The following BPIFB4 variants were observed in gnomAD, a reference collection of about 807,000 sequenced individuals.
The protein encoded by BPIFB4 is BPI fold containing family B member 4, also known as BPI fold-containing family B member 4.
In BPIFB4, 62 loss-of-function variants were observed where a neutral mutation model predicts 69.2. That is an observed-to-expected ratio of 0.90 (90% CI 0.73 to 1.11). The LOEUF (loss-of-function observed/expected upper bound fraction) is 1.11, where lower values mean the gene tolerates loss of function less well. BPIFB4 is among the 50% of genes least tolerant of loss of function. BPIFB4 has a pLI of 0.00. For synonymous variants in BPIFB4, 330 were observed against 332.7 expected (o/e 0.99, Z 0.09); for missense variants, 789 against 792.0 (o/e 1.00, Z 0.04).
In BPIFB4 at chr20:33,111,399, G is replaced by A. The variant is rs1164411194; in HGVS notation, c.1822-15G>A. The A allele has an allele frequency of 3.7e-6, 6 of 1,613,990 alleles. No homozygotes were observed. The highest frequency in any genetic ancestry group is 4.2e-6 in the Non-Finnish European group (5 of 1,179,878). ...CACCCCACCCATCACCGGCTACTCT[G>A]TTCTGCCATCCAAGGACCTTTTGGT... is the stretch of plus-strand genomic sequence containing the variant. On this transcript the variant is annotated splice_polypyrimidine_tract_variant and intron_variant, in intron 17 of 17. Transcript: ENST00000375483.
chr20:33,104,346 A>G (rs1981985268), intron 15 of BPIFB4, among the ~76,000 whole-genome samples: 1 of 152,128 alleles, frequency 6.6e-6, no homozygotes, highest in Non-Finnish European at 1.5e-5. Flanking sequence ...CAGCTCACTG[A>G]CCCATTTTAC....
At position 33,107,724 on chromosome 20, in the gene BPIFB4, G is replaced by C. The variant is rs1982109566; in HGVS notation, c.1745-20G>C. 1 of 1,602,978 alleles carries C rather than the reference G, an allele frequency of 6.2e-7. No individual in the cohort carries two copies. Among genetic ancestry groups the C allele is most frequent in the African/African-American group, 1.3e-5 (1 of 74,736 alleles). ...ACCTCTTGGACCACTGACCATGTCT[G>C]ACTGTTTTTTATTTTACAGCTGTGC... On this transcript the variant is annotated intron_variant, in intron 16 of 17. Transcript: ENST00000375483.
At position 33,096,134 on chromosome 20, in the gene BPIFB4, C is replaced by G. The variant is rs74493131; in HGVS notation, c.1398+981C>G. 6.0e-3 allele frequency among the ~76,000 whole-genome samples: 909 copies of G among 152,284 alleles called. 10 individuals carry two copies. Among genetic ancestry groups the G allele is most frequent in the African/African-American group, 0.021 (886 of 41,560 alleles). On this transcript the variant is annotated intron_variant, in intron 12 of 17. Coordinates refer to ENST00000375483, the MANE Select transcript of BPIFB4 (RefSeq NM_182519.3). ...CCTCATGTGGCTGCAAATTGAACATCGGAAGGATCATTCTCTAGGGTGGTA... is the reference window on the plus strand; with the variant it reads ...CCTCATGTGGCTGCAAATTGAACATGGGAAGGATCATTCTCTAGGGTGGTA...
chr20:33,081,586 C>A lies in BPIFB4; in HGVS notation c.60C>A (p.His20Gln), dbSNP rs764452707. The A allele has an allele frequency of 6.4e-7, 1 of 1,551,604 alleles. No individual in the cohort carries two copies. The highest frequency in any genetic ancestry group is 8.7e-7 in the Non-Finnish European group (1 of 1,147,016). ...TGGTGGCTGTGTGTGGCACCAGCCA[C>A]GAGACAAACACGGTCCTCAGGGTGA... is the stretch of plus-strand genomic sequence containing the variant. ...LSVVAVCGTS[H>Q]ETNTVLRVTK... is the part of the protein sequence containing the mutation. Residue 20 changes from histidine (H) to glutamine (Q), a missense_variant, in exon 3 of 18, where the codon CAC becomes CAA. By Grantham distance (24) the His-to-Gln change is conservative. Around this residue, in one of 3 missense-constraint regions of BPIFB4, gnomAD observed 611 missense variants for 575.4 expected, o/e 1.06. Coordinates refer to ENST00000375483, the MANE Select transcript of BPIFB4 (RefSeq NM_182519.3).
intron 13 of BPIFB4, among the ~76,000 whole-genome samples, chr20:33,098,150 G>T (rs985899672): frequency 1.3e-5 from 2 of 152,176 alleles, no homozygotes; most frequent in African/African-American, 2.4e-5. Flanking sequence ...GCCACAGGGG[G>T]ATGGCAGTAG....
At chr20:33,092,797 A>C in intron 11 of BPIFB4, 139 bp downstream of exon 11, 61 of 779,064 alleles carry the variant, frequency 7.8e-5, no homozygotes, top group Non-Finnish European at 1.1e-4. Flanking sequence ...CCTCCAGCTC[A>C]TGGGTGTGCG....
chr20:33,089,780 G>A (rs958581124), intron 9 of BPIFB4, among the ~76,000 whole-genome samples: 1 of 152,146 alleles, frequency 6.6e-6, no homozygotes, highest in African/African-American at 2.4e-5. Context: ...TGGGAGTCAG[G>A]GGTCTGGGAA....
At chr20:33,082,612 A>G (rs1001899238) in intron 3 of BPIFB4, among the ~76,000 whole-genome samples, 2 of 152,204 alleles carry the variant, frequency 1.3e-5, no homozygotes, top group African/African-American at 4.8e-5. Flanking sequence ...GATTACAGGC[A>G]TGAGCCACCA....
intron 12 of BPIFB4, among the ~76,000 whole-genome samples, chr20:33,096,941 T>C (rs1031770894): frequency 6.6e-6 from 1 of 152,246 alleles, no homozygotes; most frequent in Non-Finnish European, 1.5e-5. Flanking sequence ...ATTTGATAAA[T>C]ATGGCAAACT....
At chr20:33,105,722 C>T (rs1455192727) in intron 16 of BPIFB4, among the ~76,000 whole-genome samples, 1 of 152,188 alleles carries the variant, frequency 6.6e-6, no homozygotes, top group East Asian at 1.9e-4. Context: ...TGATGTCAAA[C>T]AAACCCTTGT....
At chr20:33,081,714 C>T (rs1981237274) in intron 3 of BPIFB4, 82 bp downstream of exon 3, 2 of 1,520,578 alleles carry the variant, frequency 1.3e-6, no homozygotes, top group African/African-American at 1.4e-5. Context: ...CAGGAACCTC[C>T]TCCTGCTAGC....
rs1981999623 is a variant in BPIFB4, at chr20:33,104,815, C to G, written c.1686C>G (p.Gly562=). The G allele has an allele frequency of 1.9e-6, 3 of 1,613,958 alleles. No homozygotes were observed. Among genetic ancestry groups the G allele is most frequent in the Non-Finnish European group, 2.5e-6 (3 of 1,179,976 alleles). ...TCCTCCTTCTTCCTCTGCAGATTGG[C>G]CTCATGGAGGTGCTGGTGGAGAAGA... is the stretch of plus-strand genomic sequence containing the variant. ...RTSNVGNFDI[G]LMEVLVEKIF... Residue 562 remains glycine, a synonymous_variant, in exon 16 of 18, where the codon GGC becomes GGG. Transcript: ENST00000375483.
intron 11 of BPIFB4, among the ~76,000 whole-genome samples, chr20:33,093,238 T>C (rs1981660090): frequency 6.6e-6 from 1 of 151,266 alleles, no homozygotes; most frequent in Admixed American, 6.6e-5. Flanking sequence ...CCTCCACCCA[T>C]CAACCCACCT....
Position 33,083,409 on chromosome 20 carries a change from C to T in BPIFB4, c.212C>T (p.Pro71Leu). Residue 71 changes from proline to leucine, a missense_variant, in exon 5 of 18, where the codon CCC (proline) becomes CTC (leucine). By Grantham distance (98) the Pro-to-Leu change is moderately conservative. Coordinates refer to ENST00000375483, the MANE Select transcript of BPIFB4 (RefSeq NM_182519.3). ...IPYNDFHVRG[P>L]PPVYTNGKKL... is the part of the protein sequence containing the mutation. ...TACAATGACTTCCATGTCCGAGGACCCCCCCCAGTATATACCAACGGCAAA... is the reference window on the plus strand; with the variant it reads ...TACAATGACTTCCATGTCCGAGGACTCCCCCCAGTATATACCAACGGCAAA... The T allele has an allele frequency of 1.9e-6, 3 of 1,613,018 alleles. No individual in the cohort carries two copies. Among genetic ancestry groups the T allele is most frequent in the Non-Finnish European group, 2.5e-6 (3 of 1,179,348 alleles).
intron 12 of BPIFB4, among the ~76,000 whole-genome samples, chr20:33,097,372 G>T (rs764658955): frequency 2.0e-5 from 3 of 152,202 alleles, no homozygotes; most frequent in Non-Finnish European, 4.4e-5. Flanking sequence ...ATTTCCAGGT[G>T]TCAGGCATTG....
chr20:33,110,477 T>G (rs890888933), intron 17 of BPIFB4, among the ~76,000 whole-genome samples: 1 of 152,214 alleles, frequency 6.6e-6, no homozygotes, highest in African/African-American at 2.4e-5. Flanking sequence ...TATTTTTCCC[T>G]TAGTAGCTAA....
chr20:33,105,542 G>A (rs8126171), intron 16 of BPIFB4, among the ~76,000 whole-genome samples: 33,684 of 152,086 alleles, frequency 0.22, 3,973 homozygotes, highest in Non-Finnish European at 0.28. Context: ...GTTGAACTAT[G>A]GGGGTCATTG....
chr20:33,083,527 G>T lies in BPIFB4; in HGVS notation c.330G>T (p.Glu110Asp), dbSNP rs1405484856. 1 of 1,614,050 alleles carries T rather than the reference G, an allele frequency of 6.2e-7. No individual in the cohort carries two copies. The highest frequency in any genetic ancestry group is 2.2e-5 in the East Asian group (1 of 44,870). Residue 110 changes from glutamate (E) to aspartate (D), a missense_variant, in exon 5 of 18, where the codon GAG (glutamate) becomes GAT (aspartate). Transcript: ENST00000375483. ...GGKYRYGEIL[E>D]SEGSIRDLRN... ...AATACCGATATGGTGAGATCCTTGA[G>T]TCCGAGGGAAGCATCAGGGACCTCC... is the stretch of plus-strand genomic sequence containing the variant.
chr20:33,080,067 G>A (rs1240893411), intron 1 of BPIFB4, among the ~76,000 whole-genome samples: 1 of 152,238 alleles, frequency 6.6e-6, no homozygotes, highest in Non-Finnish European at 1.5e-5. Context: ...TCTCTGGAAA[G>A]TGAGGTTAGG....
Sources: gnomAD v4.1 joint callset for allele counts (sites outside exome capture counted in the v4.1 genomes callset) on GRCh38, gnomAD v4.1.1 for gene constraint, gnomAD v4.1.1 regional missense constraint, MANE v1.5 for transcripts, NCBI Gene and HGNC (gene_info 2026-07-23, HGNC 2026-07-21) for gene names.